Variants in CENPP observed in about 807,000 individuals in gnomAD.
The protein encoded by CENPP is centromere protein P.
Under a neutral mutation model 35.6 loss-of-function variants are expected in CENPP, and 24 were observed. The ratio of observed to expected loss-of-function variants is 0.67; its 90% CI spans 0.49 to 0.95. The LOEUF is 0.95. Ranked by LOEUF, CENPP falls within the 40% of genes least tolerant of loss-of-function variation. The pLI is 0.00. For synonymous variants in CENPP, 120 were observed against 125.5 expected (o/e 0.96, Z 0.29); for missense variants, 332 against 345.3 (o/e 0.96, Z 0.31).
Position 92,495,877 on chromosome 9 carries a change from CA to C in CENPP, c.565-115435del. 4 of 980,482 alleles carry C rather than the reference CA, an allele frequency of 4.1e-6. No individual in the cohort carries two copies. In the South Asian group the frequency reaches 1.9e-4, roughly 46 times the overall value. The allele number at this position is 980,482 out of a possible 1,614,324, so 60.7% of individuals were successfully genotyped here. A position where few individuals can be genotyped will look rare whatever the true frequency, so the allele number is the denominator to read the frequency against. On this transcript the variant is annotated intron_variant, in intron 5 of 7. Transcript: ENST00000375587. The stretch of plus-strand genomic sequence containing the variant: ...AACAAATTATTGTTTTAATAATAAA[CA>C]ACACTTATTCATAAATTCTGCCTGC...
intron 5 of CENPP, among the ~76,000 whole-genome samples, chr9:92,469,029 T>C (rs957471676): frequency 1.3e-5 from 2 of 152,182 alleles, no homozygotes; most frequent in Non-Finnish European, 2.9e-5. Flanking sequence ...TTATCTAAGC[T>C]GAAAAGGGGT....
chr9:92,408,661 T>C (rs1028460998), intron 5 of CENPP, among the ~76,000 whole-genome samples: 1 of 152,134 alleles, frequency 6.6e-6, no homozygotes, highest in Non-Finnish European at 1.5e-5. Flanking sequence ...GTGGGGGCTG[T>C]CCTGTGTGCA....
At chr9:92,401,207 G>T in intron 5 of CENPP, 1 of 1,033,908 alleles carries the variant, frequency 9.7e-7, no homozygotes, top group Non-Finnish European at 1.5e-6. Context: ...ATAAAAGTTT[G>T]TTACCTAGCT....
chr9:92,342,350 C>T (rs537480145), intron 3 of CENPP, among the ~76,000 whole-genome samples: 10 of 152,242 alleles, frequency 6.6e-5, no homozygotes, highest in East Asian at 3.9e-4. Context: ...TATGCTTTAG[C>T]GGATGCAGGG....
At chr9:92,457,867 A>T (rs1446254747) in intron 5 of CENPP, among the ~76,000 whole-genome samples, 2 of 152,188 alleles carry the variant, frequency 1.3e-5, no homozygotes, top group Non-Finnish European at 2.9e-5. Context: ...TTAAATATAC[A>T]TATTTATGTG....
At chr9:92,400,332 G>GTATTTTATATTT (rs1488693595) in intron 5 of CENPP, among the ~76,000 whole-genome samples, 1 of 151,994 alleles carries the variant, frequency 6.6e-6, no homozygotes, top group Non-Finnish European at 1.5e-5. Flanking sequence ...TGTATTTTTA[G>GTATTTTATATTT]TAGAGACAGG....
At chr9:92,414,898 T>C (rs1843542884) in intron 5 of CENPP, 1 of 306,014 alleles carries the variant, frequency 3.3e-6, no homozygotes, top group Non-Finnish European at 5.9e-6. Flanking sequence ...AAAAAGAGCA[T>C]AAGAAACCAT....
At chr9:92,440,860 A>G (rs904943550) in intron 5 of CENPP, among the ~76,000 whole-genome samples, 4 of 152,202 alleles carry the variant, frequency 2.6e-5, no homozygotes, top group Non-Finnish European at 4.4e-5. Context: ...GGTAAAACCG[A>G]GACTATTGTT....
At chr9:92,457,085 CTTG>C in intron 5 of CENPP, 1 of 1,351,648 alleles carries the variant, frequency 7.4e-7, no homozygotes. Context: ...GCAATAGATG[CTTG>C]TTTCTCTCAA....
At chr9:92,404,661 G>T (rs1173035471) in intron 5 of CENPP, 5 of 1,252,056 alleles carry the variant, frequency 4.0e-6, no homozygotes, top group Non-Finnish European at 5.1e-6. Context: ...ATGTGGTAGA[G>T]ATCTTTGCCA....
Position 92,431,334 on chromosome 9 carries a change from T to C in CENPP, c.564+51475T>C, listed in dbSNP as rs372640468. 4.7e-4 allele frequency among the ~76,000 whole-genome samples: 72 copies of C among 152,344 alleles called. 2 individuals carry two copies. In the East Asian group the frequency reaches 0.011, roughly 23 times the overall value. The stretch of plus-strand genomic sequence containing the variant: ...TCCCTTTGACATGCCTGTCGATTGA[T>C]GCACTGTTGGCATTTGATGTGGATA... On this transcript the variant is annotated intron_variant, in intron 5 of 7. Coordinates refer to ENST00000375587, the MANE Select transcript of CENPP (RefSeq NM_001012267.3).
intron 5 of CENPP, among the ~76,000 whole-genome samples, chr9:92,391,318 A>G (rs1842673705): frequency 1.3e-5 from 2 of 152,078 alleles, no homozygotes; most frequent in African/African-American, 4.8e-5. Flanking sequence ...GAGGCAGGAG[A>G]ATGGCATGAA....
At chr9:92,331,182 T>C (rs1371992149) in intron 1 of CENPP, among the ~76,000 whole-genome samples, 1 of 152,256 alleles carries the variant, frequency 6.6e-6, no homozygotes, top group East Asian at 1.9e-4. Flanking sequence ...TTAATTTCTT[T>C]CTTTTTTTAT....
chr9:92,419,777 A>T (rs1474233681), intron 5 of CENPP, among the ~76,000 whole-genome samples: 1 of 152,176 alleles, frequency 6.6e-6, no homozygotes, highest in Non-Finnish European at 1.5e-5. Flanking sequence ...TACTTTTCCC[A>T]CCCAGGGTTT....
At chr9:92,339,209 C>T (rs889785107) in intron 3 of CENPP, among the ~76,000 whole-genome samples, 1 of 152,190 alleles carries the variant, frequency 6.6e-6, no homozygotes, top group Non-Finnish European at 1.5e-5. Flanking sequence ...GACAAGCTGC[C>T]TGCTTATATT....
chr9:92,468,984 A>C (rs1165596758), intron 5 of CENPP, among the ~76,000 whole-genome samples: 1 of 152,250 alleles, frequency 6.6e-6, no homozygotes, highest in African/African-American at 2.4e-5. Flanking sequence ...TCATAGCCCC[A>C]GTATTAAATA....
intron 2 of CENPP, among the ~76,000 whole-genome samples, chr9:92,336,492 T>C (rs1269351572): frequency 1.3e-5 from 2 of 152,192 alleles, no homozygotes; most frequent in Non-Finnish European, 2.9e-5. Context: ...CCAGGTCACT[T>C]TCATTTGTCC....
chr9:92,466,733 A>C (rs942084113), intron 5 of CENPP, among the ~76,000 whole-genome samples: 5 of 152,202 alleles, frequency 3.3e-5, no homozygotes, highest in Admixed American at 3.3e-4. Context: ...TTTTAAAAAA[A>C]TTTTACTACT....
intron 5 of CENPP, among the ~76,000 whole-genome samples, chr9:92,394,992 A>G (rs1842837029): frequency 6.6e-6 from 1 of 152,146 alleles, no homozygotes; most frequent in African/African-American, 2.4e-5. Flanking sequence ...TAATAGTCAA[A>G]TTGTCACAGA....
Sources: allele counts gnomAD v4.1 joint callset (sites outside exome capture counted in the v4.1 genomes callset), GRCh38; gene constraint gnomAD v4.1.1; transcripts MANE v1.5; gene names NCBI Gene and HGNC (gene_info 2026-07-23, HGNC 2026-07-21).